Variants in WDR74 observed in about 807,000 individuals in gnomAD.
WDR74 encodes the protein WD repeat domain 74.
Under a neutral mutation model 45.6 loss-of-function variants are expected in WDR74, and 31 were observed. The ratio of observed to expected loss-of-function variants is 0.68; its 90% CI spans 0.51 to 0.92. WDR74 has a LOEUF of 0.92. Among genes scored for constraint, WDR74 ranks in the 40% least tolerant of loss-of-function variants. WDR74 has a pLI of 0.00. For missense variants in WDR74, 455 were observed against 497.2 expected, an observed-to-expected ratio of 0.92 and a Z score of 0.81; for synonymous variants, 191 against 192.4, an observed-to-expected ratio of 0.99 and a Z score of 0.06.
chr11:62,839,484 C>G (rs371820946), intron 1 of WDR74, 23 bp downstream of exon 1: 51 of 1,613,490 alleles, frequency 3.2e-5, no homozygotes, highest in Middle Eastern at 3.3e-4. Context: ...CTGCACTTCC[C>G]GACGCCCGAG....
intron 3 of WDR74, 79 bp from the exon 4 acceptor site, chr11:62,836,115 C>G: frequency 7.4e-7 from 1 of 1,360,056 alleles, no homozygotes; most frequent in Non-Finnish European, 1.0e-6. Context: ...CTTACTACTA[C>G]AGTTGACTAA....
intron 3 of WDR74, 117 bp downstream of exon 3, chr11:62,838,997 T>C: frequency 6.9e-7 from 1 of 1,443,290 alleles, no homozygotes; most frequent in South Asian, 1.3e-5. Context: ...CCCAGGTCCC[T>C]GTCACCCATT....
chr11:62,838,162 G>GT (rs912567632), intron 3 of WDR74, among the ~76,000 whole-genome samples: 38 of 151,586 alleles, frequency 2.5e-4, no homozygotes, highest in African/African-American at 7.8e-4. Context: ...TTTTTTTGTT[G>GT]TTTTTTTTGA....
In WDR74 at chr11:62,835,974, G is replaced by GTGTCCT. The variant is rs755631894; in HGVS notation, c.350_355dup (p.Lys117_Asp118dup). The GTGTCCT allele has an allele frequency of 2.5e-6, 4 of 1,595,686 alleles. No homozygotes were observed. The South Asian group carries it at 4.6e-5, about 18-fold the overall frequency. Reference sequence around the variant, plus strand: ...GGGGAGCCTCACTGGGTCAGAGGATGTGTCCTTGTCCTTGTCATGCCAGAC... The same window carrying GTGTCCT: ...GGGGAGCCTCACTGGGTCAGAGGATGTGTCCTTGTCCTTGTCCTTGTCATGCCAGAC... On this transcript the variant is annotated inframe_insertion, in exon 4 of 11. Coordinates refer to ENST00000278856, the MANE Select transcript of WDR74 (RefSeq NM_001369450.1).
chr11:62,838,981 C>T, intron 3 of WDR74, 133 bp downstream of exon 3: 1 of 1,305,314 alleles, frequency 7.7e-7, no homozygotes. Context: ...CTACATAAGG[C>T]AGAAACCCAG....
intron 10 of WDR74, among the ~76,000 whole-genome samples, 182 bp from the exon 11 acceptor site, chr11:62,833,313 A>G (rs532138796): frequency 3.0e-4 from 45 of 150,824 alleles, no homozygotes; most frequent in African/African-American, 9.2e-4. Context: ...AAAAAAAAAA[A>G]AAAAAAAAAA....
chr11:62,832,993 T>C lies in WDR74; in HGVS notation c.1117A>G (p.Arg373Gly). ...CCAGGCCGCTTCTTCTTTCTCCGTC[T>C]CGTTTGGAGAGCTCCTTGGGGCTGC... ...LEQPQGALQT[R>G]RRKKKRPGST... The change falls in exon 11 of 11, where the codon AGA (arginine) becomes GGA (glycine). Residue 373 changes from arginine to glycine, a missense_variant. Arg to Gly is a moderately radical substitution (Grantham distance 125, BLOSUM62 -2). Transcript: ENST00000278856. The C allele has an allele frequency of 6.2e-7, 1 of 1,607,928 alleles. No individual in the cohort carries two copies.
In WDR74 at chr11:62,834,535, A is replaced by C. The variant is rs1462940564; in HGVS notation, c.619-8T>G. On this transcript the variant is annotated splice_region_variant and splice_polypyrimidine_tract_variant and intron_variant, in intron 6 of 10. Coordinates refer to ENST00000278856, the MANE Select transcript of WDR74 (RefSeq NM_001369450.1). The stretch of plus-strand genomic sequence containing the variant: ...TGGATCATAAACACGGACCTAGAGG[A>C]AGGCTGAAGCATCACAAAAGTATCC... 1.2e-6 allele frequency: 2 copies of C among 1,602,918 alleles called. No homozygotes were observed. The highest frequency in any genetic ancestry group is 8.5e-7 in the Non-Finnish European group (1 of 1,178,230).
chr11:62,841,540 CA>C (rs2085053760), upstream of WDR74: 1 of 151,050 alleles, frequency 6.6e-6, no homozygotes, highest in South Asian at 2.1e-4. Flanking sequence ...CCAACTCAAA[CA>C]ACAAGAACAT....
intron 8 of WDR74, 81 bp from the exon 9 acceptor site, chr11:62,834,018 AT>A: frequency 6.4e-7 from 1 of 1,556,128 alleles, no homozygotes; most frequent in Non-Finnish European, 8.7e-7. Context: ...ATCACTTTCC[AT>A]TTCAACATTT....
intron 3 of WDR74, among the ~76,000 whole-genome samples, chr11:62,838,649 T>C (rs1565223131): frequency 6.6e-6 from 1 of 151,634 alleles, no homozygotes; most frequent in Non-Finnish European, 1.5e-5. Flanking sequence ...TCCCAGGTAC[T>C]TGGGAGGCTG....
At chr11:62,834,734 G>C (rs2084933584) in intron 6 of WDR74, 1 of 560,462 alleles carries the variant, frequency 1.8e-6, no homozygotes, top group Non-Finnish European at 3.2e-6. Flanking sequence ...GCTGAGGGGA[G>C]AGGTCCCCTA....
chr11:62,839,072 C>G lies in WDR74; in HGVS notation c.293+42G>C, dbSNP rs571299195. 10 of 1,609,588 alleles carry G rather than the reference C, an allele frequency of 6.2e-6. No homozygotes were observed. In the East Asian group the frequency reaches 2.2e-4, roughly 36 times the overall value. ...CCAGTATCCTCAGGGAGCATCAACG[C>G]TCTCCCTTCGGCCCTGAGTTTAGCG... On this transcript the variant is annotated intron_variant, in intron 3 of 10. Coordinates refer to ENST00000278856, the MANE Select transcript of WDR74 (RefSeq NM_001369450.1).
intron 4 of WDR74, 51 bp downstream of exon 4, chr11:62,835,910 G>A: frequency 1.3e-6 from 2 of 1,584,566 alleles, no homozygotes; most frequent in East Asian, 2.3e-5. Flanking sequence ...GTGATCATTA[G>A]GCACCTACCC....
upstream of WDR74, chr11:62,841,563 T>G (rs868532293): frequency 2.0e-5 from 3 of 152,114 alleles, no homozygotes; most frequent in Non-Finnish European, 2.9e-5. Context: ...ACTATTTAGC[T>G]TGTACCCTAA....
upstream of WDR74, chr11:62,841,627 C>A (rs956531744): frequency 1.3e-5 from 2 of 152,218 alleles, no homozygotes; most frequent in Non-Finnish European, 2.9e-5. Flanking sequence ...AGGGAGAGTG[C>A]ACCGTTCCTG....
chr11:62,841,308 C>G (rs2085043282), upstream of WDR74, among the ~76,000 whole-genome samples: 1 of 151,734 alleles, frequency 6.6e-6, no homozygotes, highest in African/African-American at 2.4e-5. Context: ...CAGAGCAAGA[C>G]GACGTCTCAA....
chr11:62,839,230 C>T lies in WDR74; in HGVS notation c.177G>A (p.Leu59=). Residue 59 remains leucine (L), a synonymous_variant, in exon 3 of 11, where the codon CTG becomes CTA. Transcript: ENST00000278856. ...CWGTGGETQM[L]VGCADRTVKH... is the part of the protein sequence containing the mutation. ...TCACCGTCCTGTCCGCGCAGCCCAC[C>T]AGCATCTGCGGCAAAGAAGGGCAAG... is the stretch of plus-strand genomic sequence containing the variant. 4.3e-6 allele frequency: 7 copies of T among 1,613,592 alleles called. No homozygotes were observed. The highest frequency in any genetic ancestry group is 5.9e-6 in the Non-Finnish European group (7 of 1,179,896).
In WDR74 at chr11:62,833,137, G is replaced by T; in HGVS notation, c.979-6C>A. The T allele has an allele frequency of 6.2e-7, 1 of 1,612,096 alleles. No individual in the cohort carries two copies. The highest frequency in any genetic ancestry group is 8.5e-7 in the Non-Finnish European group (1 of 1,179,344). On this transcript the variant is annotated splice_polypyrimidine_tract_variant and splice_region_variant and intron_variant, in intron 10 of 10. Coordinates refer to ENST00000278856, the MANE Select transcript of WDR74 (RefSeq NM_001369450.1). ...TGAGGCTCTTGGGGCTCATCCTGGT[G>T]AGTGGGAAGAAAGCTTAGGAGTCAG...
Sources: gnomAD v4.1 joint callset for allele counts (sites outside exome capture counted in the v4.1 genomes callset) on GRCh38, gnomAD v4.1.1 for gene constraint, MANE v1.5 for transcripts, NCBI Gene and HGNC (gene_info 2026-07-23, HGNC 2026-07-21) for gene names.